NTRK3: variants seen among roughly 807,000 people sequenced by gnomAD.
The protein encoded by NTRK3 is neurotrophic receptor tyrosine kinase 3, also known as NT-3 growth factor receptor.
Under a neutral mutation model 91.7 loss-of-function variants are expected in NTRK3, and 24 were observed. That is an observed-to-expected ratio of 0.26 (90% CI 0.19 to 0.37). The LOEUF (loss-of-function observed/expected upper bound fraction) is 0.37, where lower values mean the gene tolerates loss of function less well. Ranked by LOEUF, NTRK3 falls within the 10% of genes least tolerant of loss-of-function variation. NTRK3 has a pLI of 1.00. For missense variants in NTRK3, 880 were observed against 1,068.9 expected, an observed-to-expected ratio of 0.82 and a Z score of 2.46; for synonymous variants, 483 against 404.0, an observed-to-expected ratio of 1.20 and a Z score of -2.34.
rs1328423066 is a variant in NTRK3, at chr15:88,047,630, A to G, written c.1397-14585T>C. ...CAAAAGTCTGTTTCTTCATGCATCC[A>G]TTAACCTAACAATGGTTCAGGTAAG... On this transcript the variant is annotated intron_variant, in intron 13 of 18. Coordinates refer to ENST00000394480, the Ensembl canonical transcript of NTRK3. Among the ~76,000 whole-genome samples, 10 of 152,204 alleles carry G rather than the reference A, an allele frequency of 6.6e-5. No individual in the cohort carries two copies. In the East Asian group the frequency reaches 1.9e-3, roughly 29 times the overall value.
chr15:87,872,085 G>A (rs751004176), exon 19 of NTRK3: 2 of 221,554 alleles, frequency 9.0e-6, no homozygotes, highest in Non-Finnish European at 1.8e-5. Flanking sequence ...TTCTCTCTAA[G>A]GCAAATGCCC....
At chr15:88,062,877 T>C (rs2046337667) in intron 13 of NTRK3, among the ~76,000 whole-genome samples, 1 of 152,212 alleles carries the variant, frequency 6.6e-6, no homozygotes. Context: ...TCTATCAGCT[T>C]CCCCTGTGCC....
intron 13 of NTRK3, among the ~76,000 whole-genome samples, chr15:88,114,521 A>G (rs546582740): frequency 6.6e-6 from 1 of 152,374 alleles, no homozygotes; most frequent in African/African-American, 2.4e-5. Context: ...TTGCTAAAAT[A>G]TCATTCTTGG....
chr15:88,141,887 C>T (rs1264933211), intron 6 of NTRK3, among the ~76,000 whole-genome samples: 1 of 152,238 alleles, frequency 6.6e-6, no homozygotes, highest in Non-Finnish European at 1.5e-5. Flanking sequence ...GCTTACAGGA[C>T]CTGATCCAGC....
At position 88,137,384 on chromosome 15, in the gene NTRK3, C is replaced by A. The variant is rs748777021; in HGVS notation, c.622+20G>T. The A allele has an allele frequency of 3.1e-6, 5 of 1,612,420 alleles. No homozygotes were observed. The highest frequency in any genetic ancestry group is 1.3e-5 in the African/African-American group (1 of 74,914). On this transcript the variant is annotated intron_variant, in intron 7 of 18. Coordinates refer to ENST00000394480, the Ensembl canonical transcript of NTRK3. Reference sequence around the variant, plus strand: ...GGATGCCTCCCTGGAGCCAGCTGGGCCAGGCGGCCACTCACTCACCACACT... The same window carrying A: ...GGATGCCTCCCTGGAGCCAGCTGGGACAGGCGGCCACTCACTCACCACACT...
chr15:88,183,126 G>A (rs538977960), intron 5 of NTRK3, among the ~76,000 whole-genome samples: 8 of 149,216 alleles, frequency 5.4e-5, no homozygotes, highest in East Asian at 2.0e-4. Flanking sequence ...TATCATTTAC[G>A]TTCCCATAAA....
chr15:88,049,352 C>T (rs892048706), intron 13 of NTRK3, among the ~76,000 whole-genome samples: 8 of 151,988 alleles, frequency 5.3e-5, no homozygotes, highest in Non-Finnish European at 1.0e-4. Context: ...AGCAGGTTTG[C>T]TTTATTATTT....
chr15:87,899,813 T>C (rs2141638190), intron 17 of NTRK3, among the ~76,000 whole-genome samples: 1 of 152,280 alleles, frequency 6.6e-6, no homozygotes, highest in African/African-American at 2.4e-5. Context: ...GGCTGCCTTA[T>C]CTAGCTTCTC....
chr15:87,979,757 A>T (rs960986296), intron 14 of NTRK3, among the ~76,000 whole-genome samples: 2 of 152,122 alleles, frequency 1.3e-5, no homozygotes, highest in Admixed American at 6.5e-5. Context: ...GTCTCATCTA[A>T]GTGGGTCTCA....
rs531194858 is a variant in NTRK3, at chr15:88,058,333, C to G, written c.1397-25288G>C. Among the ~76,000 whole-genome samples, 4 of 152,264 alleles carry G rather than the reference C, an allele frequency of 2.6e-5. No individual in the cohort carries two copies. In the East Asian group the frequency reaches 7.7e-4, roughly 29 times the overall value. On this transcript the variant is annotated intron_variant, in intron 13 of 18. Transcript: ENST00000394480. ...AACGTCTCTCAGTTTTTTCACCAAT[C>G]AAATGGTAATGATATGATAGCCAAC...
intron 14 of NTRK3, among the ~76,000 whole-genome samples, chr15:87,964,698 G>A (rs894129159): frequency 6.6e-6 from 1 of 152,068 alleles, no homozygotes; most frequent in African/African-American, 2.4e-5. Context: ...CTGTCTCTCC[G>A]TATTTGCCTC....
At chr15:87,908,813 C>T (rs1046656207) in intron 17 of NTRK3, among the ~76,000 whole-genome samples, 6 of 152,026 alleles carry the variant, frequency 3.9e-5, no homozygotes, top group East Asian at 2.0e-4. Context: ...ACAAGGCACT[C>T]GGGGCTCCAC....
chr15:88,221,805 C>T lies in NTRK3; in HGVS notation c.248+34101G>A, dbSNP rs934300507. ...TGTTCAATGGCTCACAAGGGCCTGA[C>T]TAGATTACAACAAACATAAACTAAT... On this transcript the variant is annotated intron_variant, in intron 3 of 18. Coordinates refer to ENST00000394480, the Ensembl canonical transcript of NTRK3. 3.9e-5 allele frequency among the ~76,000 whole-genome samples: 6 copies of T among 152,246 alleles called. No homozygotes were observed. In the East Asian group the frequency reaches 9.6e-4, roughly 24 times the overall value.
intron 3 of NTRK3, among the ~76,000 whole-genome samples, chr15:88,188,211 C>G (rs763171930): frequency 2.3e-4 from 35 of 152,190 alleles, no homozygotes; most frequent in Non-Finnish European, 4.4e-4. Flanking sequence ...CAATCAGAAA[C>G]AGAGAGTGGA....
exon 19 of NTRK3, chr15:87,868,470 C>CA: frequency 4.6e-6 from 1 of 219,000 alleles, no homozygotes; most frequent in Non-Finnish European, 9.2e-6. Flanking sequence ...GTAGGAAAAA[C>CA]AATTTCAAAG....
intron 5 of NTRK3, among the ~76,000 whole-genome samples, chr15:88,176,889 C>T (rs1037284827): frequency 5.9e-5 from 9 of 152,092 alleles, no homozygotes; most frequent in Non-Finnish European, 1.2e-4. Context: ...AGCCACATGA[C>T]GGAATAAAAT....
chr15:87,973,191 A>C (rs2073406472), intron 14 of NTRK3, among the ~76,000 whole-genome samples: 1 of 152,224 alleles, frequency 6.6e-6, no homozygotes, highest in South Asian at 2.1e-4. Context: ...AAATGTGCCA[A>C]AATGAAAAGG....
chr15:88,229,720 C>T (rs914677543), intron 3 of NTRK3, among the ~76,000 whole-genome samples: 2 of 152,212 alleles, frequency 1.3e-5, no homozygotes, highest in African/African-American at 2.4e-5. Context: ...CTCACCTGCT[C>T]ATGGGCACTT....
intron 14 of NTRK3, among the ~76,000 whole-genome samples, chr15:87,963,536 T>C (rs1226226997): frequency 6.6e-6 from 1 of 152,222 alleles, no homozygotes; most frequent in African/African-American, 2.4e-5. Flanking sequence ...ACTTTCAGTA[T>C]GGTATTCCAT....
Sources: gnomAD v4.1 joint callset for allele counts (sites outside exome capture counted in the v4.1 genomes callset) on GRCh38, gnomAD v4.1.1 for gene constraint, MANE v1.5 for transcripts, NCBI Gene and HGNC (gene_info 2026-07-23, HGNC 2026-07-21) for gene names.